The following AFF3 variants were observed in gnomAD, a reference collection of about 807,000 sequenced individuals.
AFF3 encodes the protein AF4/FMR2 family member 3.
Under a neutral mutation model 129.7 loss-of-function variants are expected in AFF3, and 32 were observed. That is an observed-to-expected ratio of 0.25 (90% CI 0.19 to 0.33). The LOEUF (loss-of-function observed/expected upper bound fraction) is 0.33, where lower values mean the gene tolerates loss of function less well. AFF3 is among the 10% of genes least tolerant of loss of function. The probability of loss-of-function intolerance (pLI) is 1.00; values close to 1 mark genes in which losing one functional copy is unlikely to be tolerated. For synonymous variants in AFF3, 644 were observed against 635.4 expected, an observed-to-expected ratio of 1.01 and a Z score of -0.20; for missense variants, 1,373 against 1,592.0, an observed-to-expected ratio of 0.86 and a Z score of 2.34.
intron 4 of AFF3, among the ~76,000 whole-genome samples, chr2:100,026,514 G>A (rs1684053870): frequency 6.6e-6 from 1 of 152,028 alleles, no homozygotes; most frequent in African/African-American, 2.4e-5. Context: ...ACTAAAAGTA[G>A]AGCTACTATT....
chr2:99,787,427 C>T (rs1016989529), intron 8 of AFF3, among the ~76,000 whole-genome samples: 2 of 152,120 alleles, frequency 1.3e-5, no homozygotes, highest in Non-Finnish European at 2.9e-5. Flanking sequence ...GCAGTGTGAG[C>T]GCTGTATTTT....
intron 18 of AFF3, among the ~76,000 whole-genome samples, chr2:99,573,766 T>G (rs1157606736): frequency 6.6e-6 from 1 of 152,196 alleles, no homozygotes; most frequent in Non-Finnish European, 1.5e-5. Context: ...CGGGCTCCTG[T>G]TACGGGCACC....
rs1476455726 is a variant in AFF3 at position 100,006,612 on chromosome 2, C to T, written c.873+20G>A. ...TTGTAACTATGCAGTTGCATGTGAA[C>T]GGTGCTGATAAAGACTCACCTCCCC... On this transcript the variant is annotated intron_variant, in intron 7 of 24. Transcript: ENST00000672756. 2.2e-5 allele frequency: 35 copies of T among 1,585,990 alleles called. No individual in the cohort carries two copies. The highest frequency in any genetic ancestry group is 4.0e-5 in the African/African-American group (3 of 74,280).
chr2:100,031,306 G>C (rs1684469155), intron 4 of AFF3, among the ~76,000 whole-genome samples: 1 of 152,136 alleles, frequency 6.6e-6, no homozygotes, highest in Non-Finnish European at 1.5e-5. Flanking sequence ...GAAGTGGGTG[G>C]GATTACACAT....
At chr2:100,025,288 T>C (rs752566542) in intron 4 of AFF3, among the ~76,000 whole-genome samples, 26 of 151,924 alleles carry the variant, frequency 1.7e-4, no homozygotes, top group Non-Finnish European at 3.1e-4. Context: ...GAACTCAACC[T>C]CTTTTACAAT....
At chr2:99,885,772 A>G (rs1395467112) in intron 7 of AFF3, among the ~76,000 whole-genome samples, 2 of 152,188 alleles carry the variant, frequency 1.3e-5, no homozygotes, top group African/African-American at 4.8e-5. Context: ...TGGTTGGCAG[A>G]GAAGCTCAGC....
At chr2:99,996,823 A>T (rs536454848) in intron 7 of AFF3, among the ~76,000 whole-genome samples, 1 of 152,186 alleles carries the variant, frequency 6.6e-6, no homozygotes, top group South Asian at 2.1e-4. Flanking sequence ...CTCAAACCCA[A>T]GTAGACGTTG....
intron 8 of AFF3, among the ~76,000 whole-genome samples, chr2:99,783,372 G>T (rs1684544855): frequency 6.6e-6 from 1 of 152,184 alleles, no homozygotes; most frequent in East Asian, 1.9e-4. Flanking sequence ...GTCTGGGGAC[G>T]CTGGGTAGAC....
chr2:100,022,648 G>C (rs1683690297), intron 4 of AFF3, among the ~76,000 whole-genome samples: 1 of 152,128 alleles, frequency 6.6e-6, no homozygotes, highest in African/African-American at 2.4e-5. Context: ...CTGACCACAA[G>C]TGATCCGCCT....
intron 22 of AFF3, among the ~76,000 whole-genome samples, chr2:99,555,631 T>C (rs1416567732): frequency 6.6e-6 from 1 of 152,016 alleles, no homozygotes; most frequent in African/African-American, 2.4e-5. Flanking sequence ...CAATCATGCC[T>C]TCATAGGACT....
chr2:99,769,116 C>A (rs1219374491), intron 8 of AFF3, among the ~76,000 whole-genome samples: 1 of 152,222 alleles, frequency 6.6e-6, no homozygotes, highest in African/African-American at 2.4e-5. Context: ...TTAAGGCCAA[C>A]AATTCTTAGA....
intron 7 of AFF3, among the ~76,000 whole-genome samples, chr2:99,882,057 C>G (rs1223977295): frequency 6.8e-6 from 1 of 147,840 alleles, no homozygotes; most frequent in Non-Finnish European, 1.5e-5. Flanking sequence ...ATTTGCCTGT[C>G]TCTCTCTCTC....
At chr2:99,600,192 C>A (rs1292075173) in intron 14 of AFF3, among the ~76,000 whole-genome samples, 1 of 152,106 alleles carries the variant, frequency 6.6e-6, no homozygotes, top group Non-Finnish European at 1.5e-5. Flanking sequence ...GAGGCAGAGA[C>A]TGAACCTCAT....
At chr2:100,136,934 C>A (rs1692663225) in intron 1 of AFF3, among the ~76,000 whole-genome samples, 1 of 152,102 alleles carries the variant, frequency 6.6e-6, no homozygotes, top group Non-Finnish European at 1.5e-5. Flanking sequence ...GGTGTTTCCT[C>A]TTAAATTCTT....
At chr2:100,013,916 T>G (rs1682767095) in intron 4 of AFF3, among the ~76,000 whole-genome samples, 1 of 152,120 alleles carries the variant, frequency 6.6e-6, no homozygotes, top group Non-Finnish European at 1.5e-5. Context: ...ATGTCACTAT[T>G]TTTATCAAGT....
In AFF3 at chr2:99,712,601, T is replaced by C. The variant is rs368737970; in HGVS notation, c.1091+14476A>G. ...CAATTGTGACCTGCATTTAAAAAGATGAGGAATAGAAAATGTCAGAGTAAT... is the reference window on the plus strand; with the variant it reads ...CAATTGTGACCTGCATTTAAAAAGACGAGGAATAGAAAATGTCAGAGTAAT... On this transcript the variant is annotated intron_variant, in intron 11 of 24. Transcript: ENST00000672756. Among the ~76,000 whole-genome samples the C allele has an allele frequency of 2.0e-5, 3 of 152,176 alleles. No homozygotes were observed. The East Asian group carries it at 5.8e-4, about 29-fold the overall frequency.
At chr2:99,873,080 C>T (rs904755556) in intron 7 of AFF3, among the ~76,000 whole-genome samples, 4 of 152,196 alleles carry the variant, frequency 2.6e-5, no homozygotes, top group Non-Finnish European at 4.4e-5. Context: ...CGTGAATAAA[C>T]GTAGCTTTTC....
intron 7 of AFF3, among the ~76,000 whole-genome samples, chr2:99,953,429 CCTTT>C (rs1215902743): frequency 2.0e-5 from 3 of 152,192 alleles, no homozygotes; most frequent in East Asian, 3.8e-4. Flanking sequence ...CATTTCCCTT[CCTTT>C]GTTTTTAAAA....
At chr2:99,794,643 A>G (rs1293054038) in intron 8 of AFF3, among the ~76,000 whole-genome samples, 1 of 152,168 alleles carries the variant, frequency 6.6e-6, no homozygotes, top group East Asian at 1.9e-4. Context: ...TCCTCTGAGT[A>G]TCTCCACTTT....
Sources: allele counts gnomAD v4.1 joint callset (sites outside exome capture counted in the v4.1 genomes callset), GRCh38; gene constraint gnomAD v4.1.1; transcripts MANE v1.5; gene names NCBI Gene and HGNC (gene_info 2026-07-23, HGNC 2026-07-21).